Variants in MAN2A2 observed in about 807,000 individuals in gnomAD.
MAN2A2 encodes the protein alpha-mannosidase 2x.
In MAN2A2, 79 loss-of-function variants were observed where a neutral mutation model predicts 126.8. That is an observed-to-expected ratio of 0.62 (90% CI 0.52 to 0.75). The LOEUF is 0.75. Ranked by LOEUF, MAN2A2 falls within the 30% of genes least tolerant of loss-of-function variation. The pLI is 0.00. For missense variants in MAN2A2, 1,392 were observed against 1,522.4 expected (o/e 0.91, Z 1.43); for synonymous variants, 671 against 618.7 (o/e 1.08, Z -1.25).
Position 90,912,981 on chromosome 15 carries a change from C to T in MAN2A2, c.2574C>T (p.Tyr858=), listed in dbSNP as rs766751257. 1.9e-5 allele frequency: 31 copies of T among 1,613,516 alleles called. No individual in the cohort carries two copies. The highest frequency in any genetic ancestry group is 2.6e-5 in the Non-Finnish European group (31 of 1,179,558). ...YEHIHQAVRL[Y]NLPGVEGLSL... ...ACATTCACCAGGCGGTCCGGCTTTA[C>T]AATCTGCCAGGTGAGCCCTGCATAT... is the stretch of plus-strand genomic sequence containing the variant. The change falls in exon 17 of 23, where the codon TAC becomes TAT. Residue 858 remains tyrosine (Y), a synonymous_variant. Transcript: ENST00000559717.
In MAN2A2 at chr15:90,905,657, G is replaced by A. The variant is rs750890155; in HGVS notation, c.469G>A (p.Asp157Asn). 7 of 1,614,136 alleles carry A rather than the reference G, an allele frequency of 4.3e-6. No individual in the cohort carries two copies. Among genetic ancestry groups the A allele is most frequent in the African/African-American group, 1.3e-5 (1 of 75,018 alleles). Residue 157 changes from aspartate (D) to asparagine (N), a missense_variant, in exon 4 of 23, where the codon GAC (aspartate) becomes AAC (asparagine). Asp to Asn is a conservative substitution (Grantham distance 23, BLOSUM62 1). Transcript: ENST00000559717. Reference sequence around the variant, plus strand: ...GAGGCAAGGCTTCGACATCTCCTACGACCCGCACGACTGGGATGCTGAAGA... The same window carrying A: ...GAGGCAAGGCTTCGACATCTCCTACAACCCGCACGACTGGGATGCTGAAGA... ...VWRQGFDISY[D>N]PHDWDAEDLQ...
chr15:90,921,631 G>C lies in MAN2A2; in HGVS notation c.*1844G>C, dbSNP rs2035546206. Reference sequence around the variant, plus strand: ...TTTAGACAACTAGCTATCAAAGCTAGATCTCAGCTGGGTGCGATGGCTCAC... The same window carrying C: ...TTTAGACAACTAGCTATCAAAGCTACATCTCAGCTGGGTGCGATGGCTCAC... On this transcript the variant is annotated 3_prime_UTR_variant, in exon 23 of 23. Coordinates refer to ENST00000559717, the MANE Select transcript of MAN2A2 (RefSeq NM_006122.4). 1 of 152,216 alleles carries C rather than the reference G, an allele frequency of 6.6e-6. No homozygotes were observed. The highest frequency in any genetic ancestry group is 6.5e-5 in the Admixed American group (1 of 15,280). 9.4% of individuals were successfully genotyped at this position (152,216 alleles called of 1,614,324 possible).
intron 14 of MAN2A2, 63 bp from the exon 15 acceptor site, chr15:90,911,980 A>C (rs947446393): frequency 7.4e-7 from 1 of 1,354,704 alleles, no homozygotes; most frequent in East Asian, 2.3e-5. Context: ...TAGTAAGCGG[A>C]TGCCTCAGCA....
rs1457943766 is a variant in MAN2A2, at chr15:90,920,017, C to G, written c.*230C>G. 4 of 531,164 alleles carry G rather than the reference C, an allele frequency of 7.5e-6. No homozygotes were observed. In the East Asian group the frequency reaches 1.3e-4, roughly 18 times the overall value. 32.9% of individuals were successfully genotyped at this position (531,164 alleles called of 1,614,324 possible). ...CCAGTGAGATCAGGGAGAGAAGGCC[C>G]TTGGTCAGAGTGGGCAGTGCCAGGC... On this transcript the variant is annotated 3_prime_UTR_variant, in exon 23 of 23. Coordinates refer to ENST00000559717, the MANE Select transcript of MAN2A2 (RefSeq NM_006122.4).
intron 14 of MAN2A2, 81 bp downstream of exon 14, chr15:90,911,631 C>A: frequency 1.4e-6 from 2 of 1,442,796 alleles, no homozygotes; most frequent in Non-Finnish European, 1.9e-6. Flanking sequence ...AGCCTCCCAC[C>A]CTCCTGCTTG....
In MAN2A2 at chr15:90,919,777, G is replaced by A. The variant is rs765464512; in HGVS notation, c.3443G>A (p.Arg1148His). Residue 1148 changes from arginine to histidine, a missense_variant, in exon 23 of 23, where the codon CGC becomes CAC. Arg to His is a conservative substitution (Grantham distance 29). Coordinates refer to ENST00000559717, the MANE Select transcript of MAN2A2 (RefSeq NM_006122.4). ...EPMEIATFRL[R>H]LG is the part of the protein sequence containing the mutation. ...ATGGAGATTGCTACCTTTCGCCTCC[G>A]CTTGGGTTAGGGCTTCTTGTGGCCT... is the stretch of plus-strand genomic sequence containing the variant. 43 of 1,613,958 alleles carry A rather than the reference G, an allele frequency of 2.7e-5. No individual in the cohort carries two copies. Among genetic ancestry groups the A allele is most frequent in the Non-Finnish European group, 3.5e-5 (41 of 1,179,996 alleles).
At chr15:90,904,429 C>G (rs1236928969) in intron 2 of MAN2A2, 90 bp downstream of exon 2, 10 of 1,411,536 alleles carry the variant, frequency 7.1e-6, no homozygotes, top group Non-Finnish European at 2.9e-6. Flanking sequence ...CCCTCCCACC[C>G]CCCGCTGGAG....
At chr15:90,904,058 C>A in intron 1 of MAN2A2, 132 bp from the exon 2 acceptor site, 1 of 972,732 alleles carries the variant, frequency 1.0e-6, no homozygotes, top group Non-Finnish European at 1.6e-6. Flanking sequence ...AGATGTGCTG[C>A]TTGTGCTACT....
At chr15:90,916,455 G>A in intron 20 of MAN2A2, 199 bp downstream of exon 20, 1 of 1,094,344 alleles carries the variant, frequency 9.1e-7, no homozygotes. Context: ...TCTCCCAGCA[G>A]CGCTCTGTCA....
chr15:90,918,634 C>T lies in MAN2A2; in HGVS notation c.3190-11C>T. ...CTGCGCCCACTTCCCTGGGCACTGTCTGTCATCCAGGAGGACACCCTACCC... is the reference window on the plus strand; with the variant it reads ...CTGCGCCCACTTCCCTGGGCACTGTTTGTCATCCAGGAGGACACCCTACCC... On this transcript the variant is annotated splice_polypyrimidine_tract_variant and intron_variant, in intron 21 of 22. Coordinates refer to ENST00000559717, the MANE Select transcript of MAN2A2 (RefSeq NM_006122.4). 2 of 1,501,082 alleles carry T rather than the reference C, an allele frequency of 1.3e-6. No individual in the cohort carries two copies. Among genetic ancestry groups the T allele is most frequent in the Middle Eastern group, 3.4e-4 (2 of 5,854 alleles). The allele number at this position is 1,501,082 out of a possible 1,614,324, so 93.0% of individuals were successfully genotyped here.
At chr15:90,907,185 C>T (rs2034364892) in intron 7 of MAN2A2, 124 bp from the exon 8 acceptor site, 1 of 1,025,576 alleles carries the variant, frequency 9.8e-7, no homozygotes, top group Non-Finnish European at 1.4e-6. Flanking sequence ...CACACTCTCT[C>T]CAGCCCTAGG....
intron 22 of MAN2A2, among the ~76,000 whole-genome samples, 176 bp downstream of exon 22, chr15:90,918,931 C>T (rs926140493): frequency 1.3e-5 from 2 of 152,178 alleles, no homozygotes; most frequent in African/African-American, 2.4e-5. Flanking sequence ...GGGGGAGTTC[C>T]AGACAAGGTA....
intron 20 of MAN2A2, chr15:90,916,608 C>T (rs1442127765): frequency 6.1e-6 from 8 of 1,321,576 alleles, no homozygotes; most frequent in Non-Finnish European, 7.9e-6. Context: ...TCCAAACTGG[C>T]AGCCATGTTT....
rs373992965 is a variant in MAN2A2, at chr15:90,904,238, G to A, written c.31G>A (p.Gly11Arg). MKLKKQVTVCGAAIFCVAVFS... is the reference protein window; with the variant it reads MKLKKQVTVCRAAIFCVAVFS... Reference sequence around the variant, plus strand: ...GCTGAAAAAGCAGGTGACAGTGTGTGGGGCTGCCATCTTCTGTGTGGCAGT... The same window carrying A: ...GCTGAAAAAGCAGGTGACAGTGTGTAGGGCTGCCATCTTCTGTGTGGCAGT... The change falls in exon 2 of 23, where the codon GGG becomes AGG. Residue 11 changes from glycine (G) to arginine (R), a missense_variant. By Grantham distance (125) the Gly-to-Arg change is moderately radical (BLOSUM62 -2). Coordinates refer to ENST00000559717, the MANE Select transcript of MAN2A2 (RefSeq NM_006122.4). 1 of 1,614,072 alleles carries A rather than the reference G, an allele frequency of 6.2e-7. No individual in the cohort carries two copies. The highest frequency in any genetic ancestry group is 8.5e-7 in the Non-Finnish European group (1 of 1,180,052).
intron 7 of MAN2A2, 196 bp from the exon 8 acceptor site, chr15:90,907,113 C>A: frequency 1.2e-6 from 1 of 834,542 alleles, no homozygotes; most frequent in Non-Finnish European, 1.8e-6. Flanking sequence ...GTCCCAAGGG[C>A]TTCAGCGTGC....
Position 90,903,412 on chromosome 15 carries a change from GTCC to G in MAN2A2, c.-34_-32del, listed in dbSNP as rs953887209. The G allele has an allele frequency of 1.3e-5, 2 of 152,752 alleles. No homozygotes were observed. Among genetic ancestry groups the G allele is most frequent in the Non-Finnish European group, 2.9e-5 (2 of 68,466 alleles). 9.5% of individuals were successfully genotyped at this position (152,752 alleles called of 1,614,324 possible). ...GCCCACGCTCGGCTCCGCAGTTAGC[GTCC>G]TCCTTCCTCCTGAGCAGGCAAGCGG... On this transcript the variant is annotated 5_prime_UTR_variant, in exon 1 of 23. Coordinates refer to ENST00000559717, the MANE Select transcript of MAN2A2 (RefSeq NM_006122.4).
intron 19 of MAN2A2, 91 bp from the exon 20 acceptor site, chr15:90,916,032 C>A: frequency 6.9e-7 from 1 of 1,443,450 alleles, no homozygotes; most frequent in Non-Finnish European, 9.5e-7. Context: ...TGCGCTTTTC[C>A]GTCAGGGCCT....
At position 90,912,261 on chromosome 15, in the gene MAN2A2, C is replaced by A. The variant is rs1278662848; in HGVS notation, c.2328C>A (p.Gly776=). ...GCTACATGCAGGTCTGGTTCTCAGG[C>A]CTTACTGGGCTCCTCAAGGTAAAAG... ...SNRYMQVWFS[G]LTGLLKSIRR... The change falls in exon 15 of 23, where the codon GGC becomes GGA. Residue 776 remains glycine, a synonymous_variant. Transcript: ENST00000559717. 4 of 1,614,226 alleles carry A rather than the reference C, an allele frequency of 2.5e-6. No homozygotes were observed. The South Asian group carries it at 4.4e-5, about 18-fold the overall frequency.
In MAN2A2 at chr15:90,914,575, A is replaced by T. The variant is rs575785547; in HGVS notation, c.2860+820A>T. ...CACTCTTTCGCCCAGGCTGGAGTGC[A>T]GTGGTGCAATCTCCGCTCACTGCAA... On this transcript the variant is annotated intron_variant, in intron 19 of 22. Coordinates refer to ENST00000559717, the MANE Select transcript of MAN2A2 (RefSeq NM_006122.4). Among the ~76,000 whole-genome samples the T allele has an allele frequency of 2.0e-5, 3 of 152,058 alleles. No individual in the cohort carries two copies. In the South Asian group the frequency reaches 6.2e-4, roughly 32 times the overall value.
Sources: allele counts gnomAD v4.1 joint callset (sites outside exome capture counted in the v4.1 genomes callset), GRCh38; gene constraint gnomAD v4.1.1; transcripts MANE v1.5; gene names NCBI Gene and HGNC (gene_info 2026-07-23, HGNC 2026-07-21).